Variants in SGCD observed in about 807,000 individuals in gnomAD.
The protein encoded by SGCD is sarcoglycan delta.
In SGCD, 18 loss-of-function variants were observed where a neutral mutation model predicts 36.6. The observed-to-expected ratio is 0.49, with a 90% CI of 0.34 to 0.73. SGCD has a LOEUF of 0.73. SGCD is among the 30% of genes least tolerant of loss of function. SGCD has a pLI of 0.01. For missense variants in SGCD, 387 were observed against 346.7 expected, an observed-to-expected ratio of 1.12 and a Z score of -0.92; for synonymous variants, 133 against 130.6, an observed-to-expected ratio of 1.02 and a Z score of -0.12.
At chr5:156,692,944 C>T (rs1754174876) in intron 7 of SGCD, among the ~76,000 whole-genome samples, 1 of 152,154 alleles carries the variant, frequency 6.6e-6, no homozygotes, top group African/African-American at 2.4e-5. Context: ...AACCGTGTGC[C>T]AGACACTATA....
intron 3 of SGCD, among the ~76,000 whole-genome samples, chr5:156,410,918 T>C (rs1311582856): frequency 6.6e-6 from 1 of 151,484 alleles, no homozygotes; most frequent in Non-Finnish European, 1.5e-5. Context: ...CTTCATGAAA[T>C]GAAAAAAAAA....
At chr5:155,956,617 G>A (rs1047485104) in intron 1 of SGCD, among the ~76,000 whole-genome samples, 70 of 152,232 alleles carry the variant, frequency 4.6e-4, no homozygotes, top group African/African-American at 1.6e-3. Context: ...GAAATCGAAA[G>A]TCAAGGCGTC....
intron 1 of SGCD, among the ~76,000 whole-genome samples, chr5:156,110,408 G>A (rs1370621694): frequency 2.5e-4 from 38 of 151,952 alleles, no homozygotes; most frequent in Non-Finnish European, 1.5e-4. Context: ...TAACTTATTT[G>A]TATTGGGTTC....
At chr5:156,279,306 G>A (rs1766389885) in intron 3 of SGCD, among the ~76,000 whole-genome samples, 4 of 152,286 alleles carry the variant, frequency 2.6e-5, no homozygotes, top group Admixed American at 6.5e-5. Flanking sequence ...ATCAAATACA[G>A]AGCTGTAGAC....
chr5:155,887,508 C>T (rs1025019870), intron 1 of SGCD, among the ~76,000 whole-genome samples: 30 of 152,128 alleles, frequency 2.0e-4, no homozygotes, highest in African/African-American at 6.0e-4. Flanking sequence ...GTGGAGGTGA[C>T]GCAGGCTCTG....
At chr5:155,771,194 C>G in the SGCD span, among the ~76,000 whole-genome samples, 1 of 152,070 alleles carries the variant, frequency 6.6e-6, no homozygotes, top group South Asian at 2.1e-4. Context: ...TTCCTGGGTT[C>G]CACCATGCCC....
intron 1 of SGCD, among the ~76,000 whole-genome samples, chr5:155,934,781 CA>C (rs1376659134): frequency 2.0e-5 from 3 of 152,126 alleles, no homozygotes; most frequent in Admixed American, 2.0e-4. Flanking sequence ...TTCCTTTCCC[CA>C]AATTTTTAGA....
At chr5:156,619,683 C>T (rs889249213) in intron 6 of SGCD, among the ~76,000 whole-genome samples, 1 of 152,046 alleles carries the variant, frequency 6.6e-6, no homozygotes, top group South Asian at 2.1e-4. Flanking sequence ...GGTATTCCAC[C>T]GTGATACCAG....
intron 3 of SGCD, among the ~76,000 whole-genome samples, chr5:156,202,160 G>C (rs967753892): frequency 2.0e-5 from 3 of 152,166 alleles, no homozygotes; most frequent in Non-Finnish European, 4.4e-5. Context: ...GGCCTTTGCC[G>C]TTAAAGTGAT....
chr5:156,172,030 C>T (rs975694593), intron 3 of SGCD, among the ~76,000 whole-genome samples: 1 of 152,126 alleles, frequency 6.6e-6, no homozygotes, highest in Non-Finnish European at 1.5e-5. Context: ...CACCTGTAAT[C>T]CCAGCACTTT....
intron 7 of SGCD, among the ~76,000 whole-genome samples, chr5:156,717,428 T>C (rs886714298): frequency 9.9e-5 from 15 of 152,184 alleles, no homozygotes; most frequent in African/African-American, 3.6e-4. Flanking sequence ...CATGGTGTGG[T>C]TCTCCCTGCA....
intron 4 of SGCD, among the ~76,000 whole-genome samples, chr5:156,570,458 A>G (rs370899582): frequency 6.6e-6 from 1 of 152,174 alleles, no homozygotes; most frequent in African/African-American, 2.4e-5. Flanking sequence ...AATTTCCTTC[A>G]TACTTCTGAC....
At chr5:156,719,210 G>GT (rs1201523917) in intron 7 of SGCD, among the ~76,000 whole-genome samples, 1 of 152,024 alleles carries the variant, frequency 6.6e-6, no homozygotes, top group Non-Finnish European at 1.5e-5. Flanking sequence ...AAAGGTTGCA[G>GT]TTTTTTTGCC....
chr5:156,322,821 C>T (rs1767706605), upstream of SGCD, among the ~76,000 whole-genome samples: 1 of 152,202 alleles, frequency 6.6e-6, no homozygotes, highest in South Asian at 2.1e-4. Flanking sequence ...TTGAGGGTTG[C>T]TGCTGTTCCC....
chr5:156,020,967 A>G (rs1237518304), intron 1 of SGCD, among the ~76,000 whole-genome samples: 2 of 152,246 alleles, frequency 1.3e-5, no homozygotes, highest in Non-Finnish European at 2.9e-5. Context: ...CACAGAAAAC[A>G]AAACAATCAT....
At chr5:156,578,335 T>C (rs1760072815) in intron 4 of SGCD, among the ~76,000 whole-genome samples, 1 of 152,208 alleles carries the variant, frequency 6.6e-6, no homozygotes, top group South Asian at 2.1e-4. Flanking sequence ...TTGAGGATTT[T>C]TGCATCGATG....
At chr5:156,413,985 AACTC>A (rs1339454749) in intron 3 of SGCD, among the ~76,000 whole-genome samples, 3 of 152,218 alleles carry the variant, frequency 2.0e-5, no homozygotes, top group Non-Finnish European at 4.4e-5. Flanking sequence ...AGATAAAACT[AACTC>A]ATTTGAATTC....
chr5:155,910,886 T>C (rs1039185096), intron 1 of SGCD, among the ~76,000 whole-genome samples: 54 of 152,270 alleles, frequency 3.5e-4, no homozygotes, highest in African/African-American at 1.3e-3. Flanking sequence ...GCATAAATAT[T>C]TGGGCTTTGT....
chr5:155,913,817 G>A (rs1756682492), intron 1 of SGCD, among the ~76,000 whole-genome samples: 1 of 152,234 alleles, frequency 6.6e-6, no homozygotes, highest in Non-Finnish European at 1.5e-5. Flanking sequence ...TTGAGTGGAA[G>A]AGTTCTGCAT....
Sources: gnomAD v4.1 joint callset for allele counts (sites outside exome capture counted in the v4.1 genomes callset) on GRCh38, gnomAD v4.1.1 for gene constraint, MANE v1.5 for transcripts, NCBI Gene and HGNC (gene_info 2026-07-23, HGNC 2026-07-21) for gene names.